Variants in CBR4 observed in about 807,000 individuals in gnomAD.
CBR4 encodes the protein carbonyl reductase 4, also known as 3-oxoacyl-[acyl-carrier-protein] reductase.
Under a neutral mutation model 21.0 loss-of-function variants are expected in CBR4, and 22 were observed. The observed-to-expected ratio is 1.05, with a 90% CI of 0.75 to 1.50. CBR4 has a LOEUF of 1.50. Among genes scored for constraint, CBR4 ranks in the 40% most tolerant of loss-of-function variants. CBR4 has a pLI of 0.00. For synonymous variants in CBR4, 100 were observed against 104.4 expected (o/e 0.96, Z 0.26); for missense variants, 302 against 286.3 (o/e 1.05, Z -0.40).
At chr4:169,003,468 C>T (rs989964605) in intron 3 of CBR4, among the ~76,000 whole-genome samples, 1 of 152,042 alleles carries the variant, frequency 6.6e-6, no homozygotes, top group African/African-American at 2.4e-5. Flanking sequence ...GGAATCTCTT[C>T]CTTGTGAAGA....
At chr4:168,949,130 GTA>G (rs1370422044) in intron 2 of CBR4, among the ~76,000 whole-genome samples, 15 of 152,194 alleles carry the variant, frequency 9.9e-5, no homozygotes, top group African/African-American at 3.6e-4. Flanking sequence ...TGCAGCTATT[GTA>G]GAAGGGGTTG....
chr4:168,967,360 G>A (rs1194253294), intron 2 of CBR4, among the ~76,000 whole-genome samples: 1 of 151,808 alleles, frequency 6.6e-6, no homozygotes, highest in Non-Finnish European at 1.5e-5. Flanking sequence ...CTGTCAGGGG[G>A]TTGGGGGCTG....
intron 2 of CBR4, among the ~76,000 whole-genome samples, chr4:168,965,227 C>T (rs1763983153): frequency 6.6e-6 from 1 of 152,162 alleles, no homozygotes; most frequent in Non-Finnish European, 1.5e-5. Context: ...TCAAGGAGAA[C>T]TACAAACCAC....
At chr4:168,963,380 G>C (rs1350729168) in intron 2 of CBR4, among the ~76,000 whole-genome samples, 3 of 152,068 alleles carry the variant, frequency 2.0e-5, no homozygotes, top group Admixed American at 6.6e-5. Flanking sequence ...GAAGATAACA[G>C]AACACAGATG....
At chr4:168,904,060 T>C (rs959995301) in intron 2 of CBR4, 42 of 728,934 alleles carry the variant, frequency 5.8e-5, no homozygotes, top group Non-Finnish European at 9.0e-5. Context: ...TTTCAGAGGA[T>C]AGAAAAATTC....
chr4:168,969,819 AG>A (rs1764150132), intron 2 of CBR4, among the ~76,000 whole-genome samples: 1 of 152,252 alleles, frequency 6.6e-6, no homozygotes, highest in Admixed American at 6.5e-5. Context: ...TTAGAAATAC[AG>A]CATCTCAGGC....
intron 3 of CBR4, among the ~76,000 whole-genome samples, 191 bp downstream of exon 3, chr4:169,006,564 C>G (rs532416045): frequency 6.6e-6 from 1 of 152,300 alleles, no homozygotes; most frequent in African/African-American, 2.4e-5. Flanking sequence ...TCATTTAACA[C>G]CTGCCTGACT....
chr4:168,905,898 C>T (rs1230588179), intron 2 of CBR4, among the ~76,000 whole-genome samples: 1 of 147,860 alleles, frequency 6.8e-6, no homozygotes, highest in Non-Finnish European at 1.5e-5. Flanking sequence ...CTCCTGGGTT[C>T]AAGCAATTCT....
At position 168,976,645 on chromosome 4, in the gene CBR4, G is replaced by A. The variant is rs1444822442; in HGVS notation, n.169+25426C>T. ...ATTACAAAGTACCTTTTTAAGGGCG[G>A]GGGAAGATATTACAAAGCATCTTCT... On this transcript the variant is annotated intron_variant and non_coding_transcript_variant, in intron 2 of 3. Transcript: ENST00000509108. Among the ~76,000 whole-genome samples, 3 of 152,188 alleles carry A rather than the reference G, an allele frequency of 2.0e-5. No individual in the cohort carries two copies. The East Asian group carries it at 5.8e-4, about 29-fold the overall frequency.
intron 2 of CBR4, among the ~76,000 whole-genome samples, chr4:168,962,434 A>G (rs994877592): frequency 1.3e-5 from 2 of 152,220 alleles, no homozygotes; most frequent in African/African-American, 4.8e-5. Flanking sequence ...ATTAGGCTTA[A>G]TAAGATATGA....
chr4:168,927,775 T>C, intron 2 of CBR4: 1 of 220,758 alleles, frequency 4.5e-6, no homozygotes, highest in East Asian at 6.6e-5. Flanking sequence ...TGACCAGACT[T>C]GATGGTTTTA....
chr4:168,983,993 G>A (rs114556401), downstream of CBR4, among the ~76,000 whole-genome samples: 691 of 152,136 alleles, frequency 4.5e-3, 1 homozygote, highest in African/African-American at 0.016. Context: ...TTTGAGAACT[G>A]CAACAAGACA....
rs113482728 is a variant in CBR4 at position 168,991,797 on chromosome 4, T to G, written c.536-1469A>C. ...AAAAAGAAAGCAATATTAATCCTCA[T>G]GAAAAGAATAGAAAAAAATTTTTAA... is the stretch of plus-strand genomic sequence containing the variant. On this transcript the variant is annotated intron_variant, in intron 4 of 4. Transcript: ENST00000306193. 9.7e-4 allele frequency among the ~76,000 whole-genome samples: 147 copies of G among 152,206 alleles called. 1 individual carries two copies. The highest frequency in any genetic ancestry group is 3.4e-3 in the African/African-American group (142 of 41,542).
chr4:168,933,644 T>C (rs961426938), intron 2 of CBR4, among the ~76,000 whole-genome samples: 21 of 152,178 alleles, frequency 1.4e-4, no homozygotes, highest in African/African-American at 4.8e-4. Context: ...GGATTTAAAC[T>C]GTACTACAGA....
intron 2 of CBR4, among the ~76,000 whole-genome samples, chr4:168,944,108 C>T (rs1184752983): frequency 6.6e-6 from 1 of 151,910 alleles, no homozygotes; most frequent in Non-Finnish European, 1.5e-5. Flanking sequence ...ATTATTTTAG[C>T]AAACACTAAA....
At chr4:168,955,591 G>C (rs1399702760) in intron 2 of CBR4, among the ~76,000 whole-genome samples, 1 of 152,162 alleles carries the variant, frequency 6.6e-6, no homozygotes, top group Non-Finnish European at 1.5e-5. Context: ...ACAAGAGTGA[G>C]TGAGTGGAAA....
At chr4:168,935,720 T>C (rs1328982358) in intron 2 of CBR4, among the ~76,000 whole-genome samples, 1 of 152,136 alleles carries the variant, frequency 6.6e-6, no homozygotes, top group South Asian at 2.1e-4. Context: ...AGATTCCTCC[T>C]CTCTGGGCAG....
chr4:168,998,368 AC>A (rs1408141831), intron 4 of CBR4, among the ~76,000 whole-genome samples: 1 of 152,200 alleles, frequency 6.6e-6, no homozygotes, highest in Non-Finnish European at 1.5e-5. Context: ...AATTAGGTAT[AC>A]CTTTAAAACA....
At chr4:168,952,662 C>T (rs912917315) in intron 2 of CBR4, among the ~76,000 whole-genome samples, 12 of 152,136 alleles carry the variant, frequency 7.9e-5, no homozygotes, top group South Asian at 2.1e-4. Flanking sequence ...TCCTGAGAGC[C>T]GAGCTGCAGT....
Sources: allele counts gnomAD v4.1 joint callset (sites outside exome capture counted in the v4.1 genomes callset), GRCh38; gene constraint gnomAD v4.1.1; transcripts MANE v1.5; gene names NCBI Gene and HGNC (gene_info 2026-07-23, HGNC 2026-07-21).